Variants in ADAMTS18 observed in about 807,000 individuals in gnomAD.
ADAMTS18 encodes A disintegrin and metalloproteinase with thrombospondin motifs 18.
ADAMTS18 carries 157 observed loss-of-function variants against 165.9 expected under a neutral mutation model. The ratio of observed to expected loss-of-function variants is 0.95; its 90% CI spans 0.83 to 1.08. The LOEUF (loss-of-function observed/expected upper bound fraction) is 1.08. Ranked by LOEUF, ADAMTS18 falls within the 50% of genes least tolerant of loss-of-function variation. The pLI, the probability that ADAMTS18 is intolerant of heterozygous loss-of-function variation, is 0.00. For missense variants in ADAMTS18, 2,040 were observed against 1,534.0 expected (o/e 1.33, Z -5.51); for synonymous variants, 782 against 578.2 (o/e 1.35, Z -5.06).
At chr16:77,319,253 A>G (rs1167975634) in intron 16 of ADAMTS18, among the ~76,000 whole-genome samples, 3 of 152,158 alleles carry the variant, frequency 2.0e-5, no homozygotes, top group East Asian at 1.9e-4. Flanking sequence ...AACCAGCATA[A>G]TATAAAAAGT....
intron 9 of ADAMTS18, 33 bp downstream of exon 9, chr16:77,355,907 C>T (rs751670556): frequency 1.2e-6 from 2 of 1,613,612 alleles, no homozygotes; most frequent in Middle Eastern, 1.7e-4. Context: ...TCACTCCAAA[C>T]CTAGGAGCAC....
intron 4 of ADAMTS18, among the ~76,000 whole-genome samples, chr16:77,367,221 A>G (rs1045324246): frequency 6.6e-6 from 1 of 152,220 alleles, no homozygotes; most frequent in African/African-American, 2.4e-5. Flanking sequence ...AGGAGATACT[A>G]AAAGAGTAAA....
intron 3 of ADAMTS18, among the ~76,000 whole-genome samples, chr16:77,401,668 A>G (rs2057333442): frequency 6.6e-6 from 1 of 152,200 alleles, no homozygotes; most frequent in African/African-American, 2.4e-5. Flanking sequence ...GGGTGTGTCT[A>G]TGAGGGCATT....
intron 3 of ADAMTS18, among the ~76,000 whole-genome samples, chr16:77,403,013 A>G (rs571921295): frequency 1.1e-4 from 17 of 152,318 alleles, no homozygotes; most frequent in African/African-American, 4.1e-4. Flanking sequence ...AAATTACAAC[A>G]AACAGTAGCC....
At chr16:77,426,410 G>A (rs1445341776) in intron 3 of ADAMTS18, among the ~76,000 whole-genome samples, 1 of 152,230 alleles carries the variant, frequency 6.6e-6, no homozygotes, top group Non-Finnish European at 1.5e-5. Flanking sequence ...AGTTAAACAG[G>A]TGTCTTTAAT....
At chr16:77,351,978 C>G (rs2056562905) in intron 10 of ADAMTS18, among the ~76,000 whole-genome samples, 1 of 152,112 alleles carries the variant, frequency 6.6e-6, no homozygotes, top group African/African-American at 2.4e-5. Context: ...AAGTGATCCT[C>G]CCACCTTGGC....
In ADAMTS18 at chr16:77,363,856, A is replaced by T; in HGVS notation, c.1002T>A (p.Ile334=). 1 of 1,614,056 alleles carries T rather than the reference A, an allele frequency of 6.2e-7. No individual in the cohort carries two copies. Among genetic ancestry groups the T allele is most frequent in the African/African-American group, 1.3e-5 (1 of 75,046 alleles). The part of the protein sequence containing the change: ...MVSGLFKDGT[I]GSDINVVVVS... ...CCACAACCACGTTTATGTCACTTCC[A>T]ATAGTCCCATCTTTAAATAGGCCAG... is the stretch of plus-strand genomic sequence containing the variant. The change falls in exon 6 of 23, where the codon ATT becomes ATA. Residue 334 remains isoleucine (I), a synonymous_variant. Transcript: ENST00000282849.
In ADAMTS18 at chr16:77,356,003, G is replaced by C; in HGVS notation, c.1397C>G (p.Thr466Ser). ...CCATGAAAACACTCCATTGTTTCCG[G>C]TCAGTGTGGGAGACATGATATTGCC... ...AEGNIMSPTLTGNNGVFSWSS... is the reference protein window; with the variant it reads ...AEGNIMSPTLSGNNGVFSWSS... Residue 466 changes from threonine (T) to serine (S), a missense_variant, in exon 9 of 23, where the codon ACC becomes AGC. Physicochemically the swap from Thr to Ser is moderately conservative, Grantham distance 58 (BLOSUM62 1). Transcript: ENST00000282849. 1 of 1,614,090 alleles carries C rather than the reference G, an allele frequency of 6.2e-7. No individual in the cohort carries two copies.
At chr16:77,394,735 A>G (rs895296120) in intron 3 of ADAMTS18, among the ~76,000 whole-genome samples, 4 of 152,246 alleles carry the variant, frequency 2.6e-5, no homozygotes, top group African/African-American at 4.8e-5. Flanking sequence ...GGCAATTCTT[A>G]TATTTTTGGA....
At chr16:77,395,855 T>C (rs2057250289) in intron 3 of ADAMTS18, among the ~76,000 whole-genome samples, 3 of 152,124 alleles carry the variant, frequency 2.0e-5, no homozygotes. Context: ...AGAAATGTGG[T>C]GGATATGAGT....
chr16:77,357,841 A>C (rs2056653886), intron 8 of ADAMTS18, among the ~76,000 whole-genome samples: 1 of 152,190 alleles, frequency 6.6e-6, no homozygotes, highest in Non-Finnish European at 1.5e-5. Context: ...TTATTTTACC[A>C]TCTGTCCTTC....
chr16:77,407,916 C>T (rs11149988), intron 3 of ADAMTS18, among the ~76,000 whole-genome samples: 80,551 of 151,574 alleles, frequency 0.53, 22,219 homozygotes, highest in Non-Finnish European at 0.62. Flanking sequence ...TGATAAATTG[C>T]GAGAAATTAA....
chr16:77,417,153 C>T (rs1204883011), intron 3 of ADAMTS18, among the ~76,000 whole-genome samples: 5 of 150,716 alleles, frequency 3.3e-5, no homozygotes, highest in Admixed American at 3.3e-4. Context: ...TTGAAATGTC[C>T]AAGAATTTAG....
In ADAMTS18 at chr16:77,327,285, G is replaced by C. The variant is rs141439436; in HGVS notation, c.1860-1247C>G. On this transcript the variant is annotated intron_variant, in intron 12 of 22. Coordinates refer to ENST00000282849, the MANE Select transcript of ADAMTS18 (RefSeq NM_199355.4). ...TGAGATTTTTGTGCACCCCTCACCC[G>C]ATCAGTGTACCCTGGACCCATTGTG... Among the ~76,000 whole-genome samples the C allele has an allele frequency of 4.2e-3, 635 of 152,150 alleles. 5 individuals are homozygous for C. The highest frequency in any genetic ancestry group is 0.014 in the African/African-American group (586 of 41,494).
At chr16:77,403,204 A>T (rs1171849946) in intron 3 of ADAMTS18, among the ~76,000 whole-genome samples, 1 of 152,214 alleles carries the variant, frequency 6.6e-6, no homozygotes, top group East Asian at 1.9e-4. Context: ...GGGAAAGAAA[A>T]TAATTAATTA....
chr16:77,350,267 T>C (rs1280107502), intron 10 of ADAMTS18, among the ~76,000 whole-genome samples: 1 of 152,098 alleles, frequency 6.6e-6, no homozygotes, highest in African/African-American at 2.4e-5. Context: ...TCTGGCATGC[T>C]GAAGACACAG....
At chr16:77,334,745 ACTG>A (rs2056269245) in intron 12 of ADAMTS18, among the ~76,000 whole-genome samples, 3 of 115,188 alleles carry the variant, frequency 2.6e-5, no homozygotes, top group Non-Finnish European at 5.0e-5. Flanking sequence ...TAGTATATAT[ACTG>A]TATACTATAG....
At chr16:77,288,455 A>G (rs915931071) in intron 22 of ADAMTS18, among the ~76,000 whole-genome samples, 2 of 151,908 alleles carry the variant, frequency 1.3e-5, no homozygotes, top group African/African-American at 4.8e-5. Flanking sequence ...GATTAGGCTG[A>G]AAGATATTTC....
At chr16:77,376,392 G>C (rs554623595) in intron 3 of ADAMTS18, among the ~76,000 whole-genome samples, 2 of 152,108 alleles carry the variant, frequency 1.3e-5, no homozygotes, top group African/African-American at 2.4e-5. Flanking sequence ...CGTGAGATTT[G>C]GGTGGGGACA....
Sources: gnomAD v4.1 joint callset for allele counts (sites outside exome capture counted in the v4.1 genomes callset) on GRCh38, gnomAD v4.1.1 for gene constraint, MANE v1.5 for transcripts, NCBI Gene and HGNC (gene_info 2026-07-23, HGNC 2026-07-21) for gene names.